The following PHYHIPL variants were observed in gnomAD, a reference collection of about 807,000 sequenced individuals.
The protein encoded by PHYHIPL is phytanoyl-CoA hydroxylase-interacting protein-like.
PHYHIPL carries 9 observed loss-of-function variants against 33.4 expected under a neutral mutation model. The ratio of observed to expected loss-of-function variants is 0.27; its 90% CI spans 0.16 to 0.47. The LOEUF is 0.47. Ranked by LOEUF, PHYHIPL falls within the 20% of genes least tolerant of loss-of-function variation. The pLI, the probability that PHYHIPL is intolerant of heterozygous loss-of-function variation, is 0.99. For missense variants in PHYHIPL, 365 were observed against 460.7 expected (o/e 0.79, Z 1.90); for synonymous variants, 153 against 154.1 (o/e 0.99, Z 0.05).
intron 1 of PHYHIPL, among the ~76,000 whole-genome samples, chr10:59,233,919 C>T (rs148479804): frequency 4.0e-5 from 6 of 151,836 alleles, no homozygotes; most frequent in Admixed American, 2.6e-4. Context: ...TATAGACTGT[C>T]ACTGCTAGGT....
At chr10:59,219,208 T>C in intron 1 of PHYHIPL, 1 of 917,166 alleles carries the variant, frequency 1.1e-6, no homozygotes, top group Non-Finnish European at 1.3e-6. Context: ...TTCATAAAAA[T>C]AAGAAAGTGC....
intron 4 of PHYHIPL, among the ~76,000 whole-genome samples, chr10:59,243,202 A>T (rs574993461): frequency 2.0e-5 from 3 of 152,276 alleles, no homozygotes; most frequent in Non-Finnish European, 2.9e-5. Context: ...AATTTGAATG[A>T]CATCATCATC....
At chr10:59,209,862 C>T (rs1186630769) in intron 1 of PHYHIPL, among the ~76,000 whole-genome samples, 1 of 152,082 alleles carries the variant, frequency 6.6e-6, no homozygotes, top group Non-Finnish European at 1.5e-5. Flanking sequence ...AACTGGCTAG[C>T]CATATACAGA....
At chr10:59,234,723 A>G (rs995260314) in intron 2 of PHYHIPL, among the ~76,000 whole-genome samples, 9 of 151,888 alleles carry the variant, frequency 5.9e-5, no homozygotes, top group Non-Finnish European at 1.3e-4. Context: ...AAAAAAAGGT[A>G]AAATCATGAC....
chr10:59,217,343 T>C (rs879351767), intron 1 of PHYHIPL, among the ~76,000 whole-genome samples: 42 of 152,058 alleles, frequency 2.8e-4, no homozygotes, highest in Non-Finnish European at 5.4e-4. Flanking sequence ...TCCTCTAGTG[T>C]TTAAAAGCAT....
chr10:59,241,539 A>G (rs1289374351), intron 4 of PHYHIPL, among the ~76,000 whole-genome samples: 1 of 152,152 alleles, frequency 6.6e-6, no homozygotes, highest in African/African-American at 2.4e-5. Flanking sequence ...ATTGGTAGAC[A>G]TGTGTAGGAA....
intron 1 of PHYHIPL, among the ~76,000 whole-genome samples, chr10:59,193,241 A>G (rs1838826934): frequency 6.6e-6 from 1 of 152,190 alleles, no homozygotes; most frequent in Admixed American, 6.6e-5. Flanking sequence ...GGCAGTTAAC[A>G]TGGAAGAAAT....
intron 2 of PHYHIPL, among the ~76,000 whole-genome samples, chr10:59,235,251 C>T (rs1173569154): frequency 6.6e-6 from 1 of 151,646 alleles, no homozygotes; most frequent in East Asian, 1.9e-4. Context: ...AAATTATTAA[C>T]TTTTAAATGT....
At chr10:59,222,416 A>C (rs1010791272) in intron 1 of PHYHIPL, among the ~76,000 whole-genome samples, 1 of 152,022 alleles carries the variant, frequency 6.6e-6, no homozygotes, top group South Asian at 2.1e-4. Context: ...ATATTCTTTA[A>C]AAATAAAAAT....
intron 4 of PHYHIPL, among the ~76,000 whole-genome samples, chr10:59,239,434 CA>C (rs1840324642): frequency 6.6e-6 from 1 of 151,974 alleles, no homozygotes; most frequent in African/African-American, 2.4e-5. Flanking sequence ...CCCCATAATT[CA>C]ATCAACTCCC....
upstream of PHYHIPL, among the ~76,000 whole-genome samples, chr10:59,175,492 A>G (rs1227770206): frequency 1.3e-5 from 2 of 152,246 alleles, no homozygotes; most frequent in African/African-American, 4.8e-5. Flanking sequence ...GAAATGGAAA[A>G]TCAATAAAAG....
chr10:59,196,186 G>C (rs2133207462), intron 1 of PHYHIPL, among the ~76,000 whole-genome samples: 1 of 151,988 alleles, frequency 6.6e-6, no homozygotes, highest in African/African-American at 2.4e-5. Flanking sequence ...TCATTGAATT[G>C]CTGTGTCACA....
intron 1 of PHYHIPL, among the ~76,000 whole-genome samples, chr10:59,226,398 C>T (rs112310039): frequency 3.3e-4 from 50 of 152,034 alleles, no homozygotes; most frequent in Non-Finnish European, 5.3e-4. Context: ...ATTCATGTAT[C>T]GGAACAATAC....
intron 1 of PHYHIPL, among the ~76,000 whole-genome samples, chr10:59,185,472 A>G (rs1192870547): frequency 6.6e-6 from 1 of 152,200 alleles, no homozygotes. Flanking sequence ...TCCTTTGGGT[A>G]TATACCCAGT....
chr10:59,227,351 C>T (rs986839307), intron 1 of PHYHIPL, among the ~76,000 whole-genome samples: 6 of 152,060 alleles, frequency 3.9e-5, no homozygotes, highest in Admixed American at 2.6e-4. Flanking sequence ...AACTTTATAA[C>T]GACACTCTTT....
chr10:59,200,113 G>A (rs1839054248), intron 1 of PHYHIPL, among the ~76,000 whole-genome samples: 1 of 152,146 alleles, frequency 6.6e-6, no homozygotes, highest in African/African-American at 2.4e-5. Context: ...AGTGGTGAGA[G>A]AGGGCATCCC....
At chr10:59,235,591 AT>A (rs1840205390) in intron 2 of PHYHIPL, among the ~76,000 whole-genome samples, 1 of 151,694 alleles carries the variant, frequency 6.6e-6, no homozygotes, top group South Asian at 2.1e-4. Context: ...AGCAGTCATT[AT>A]TTTTTCTGAG....
rs544153946 is a variant in PHYHIPL, at chr10:59,202,511, G to GAATGAC, written c.106+25553_106+25558dup. ...AATTAAACCTCAAATAACTTTTGCT[G>GAATGAC]AATGACTTGGGTAATTTAGATATGT... On this transcript the variant is annotated intron_variant, in intron 1 of 4. Coordinates refer to ENST00000373880, the MANE Select transcript of PHYHIPL (RefSeq NM_032439.4). Among the ~76,000 whole-genome samples, 629 of 152,240 alleles carry GAATGAC rather than the reference G, an allele frequency of 4.1e-3. 6 individuals carry two copies. The highest frequency in any genetic ancestry group is 0.011 in the African/African-American group (474 of 41,556).
chr10:59,245,857 A>G lies in PHYHIPL; in HGVS notation c.*266A>G. On this transcript the variant is annotated 3_prime_UTR_variant, in exon 5 of 5. Coordinates refer to ENST00000373880, the MANE Select transcript of PHYHIPL (RefSeq NM_032439.4). ...ATTGCCTAGATGCTGCAATGTTTTTATGTTTCCTTTATGCCAAACATAACA... is the reference window on the plus strand; with the variant it reads ...ATTGCCTAGATGCTGCAATGTTTTTGTGTTTCCTTTATGCCAAACATAACA... 2.5e-6 allele frequency: 1 copy of G among 407,248 alleles called. No individual in the cohort carries two copies. The highest frequency in any genetic ancestry group is 4.4e-6 in the Non-Finnish European group (1 of 226,904). 25.2% of individuals were successfully genotyped at this position (407,248 alleles called of 1,614,324 possible). A position where few individuals can be genotyped will look rare whatever the true frequency, so the allele number is the denominator to read the frequency against.
Sources: gnomAD v4.1 joint callset for allele counts (sites outside exome capture counted in the v4.1 genomes callset) on GRCh38, gnomAD v4.1.1 for gene constraint, MANE v1.5 for transcripts, NCBI Gene and HGNC (gene_info 2026-07-23, HGNC 2026-07-21) for gene names.